The following ALDH1L2 variants were observed in gnomAD, a reference collection of about 807,000 sequenced individuals.
The protein encoded by ALDH1L2 is aldehyde dehydrogenase 1 family member L2.
Under a neutral mutation model 111.0 loss-of-function variants are expected in ALDH1L2, and 91 were observed. That is an observed-to-expected ratio of 0.82 (90% CI 0.69 to 0.98). The LOEUF (loss-of-function observed/expected upper bound fraction) is 0.98, where lower values mean the gene tolerates loss of function less well. Among genes scored for constraint, ALDH1L2 ranks in the 50% least tolerant of loss-of-function variants. The pLI, the probability that ALDH1L2 is intolerant of heterozygous loss-of-function variation, is 0.00. For missense variants in ALDH1L2, 995 were observed against 1,126.8 expected (o/e 0.88, Z 1.67); for synonymous variants, 374 against 392.6 (o/e 0.95, Z 0.56).
At chr12:105,060,324 C>T (rs370858696) in intron 9 of ALDH1L2, 1 of 152,250 alleles carries the variant, frequency 6.6e-6, no homozygotes, top group Non-Finnish European at 1.5e-5. Flanking sequence ...TTAGCATTCT[C>T]ACCCAGAGCT....
chr12:105,077,965 G>A (rs1328638730), intron 1 of ALDH1L2, among the ~76,000 whole-genome samples: 2 of 152,172 alleles, frequency 1.3e-5, no homozygotes, highest in South Asian at 2.1e-4. Flanking sequence ...ACCCTGAGGT[G>A]CCTAACACTT....
intron 13 of ALDH1L2, 34 bp from the exon 14 acceptor site, chr12:105,047,003 T>C (rs1209225649): frequency 6.3e-7 from 1 of 1,593,030 alleles, no homozygotes. Flanking sequence ...CTTATTTTAC[T>C]AATTTAAATA....
At chr12:105,055,339 A>C (rs1219464410) in intron 10 of ALDH1L2, among the ~76,000 whole-genome samples, 1 of 152,234 alleles carries the variant, frequency 6.6e-6, no homozygotes, top group Non-Finnish European at 1.5e-5. Flanking sequence ...AGACTTCAGT[A>C]GTGGCAAACA....
chr12:105,059,265 CAAAATAATAATAATAATAATAATAATA>C (rs1876835593), intron 9 of ALDH1L2, among the ~76,000 whole-genome samples: 1 of 114,676 alleles, frequency 8.7e-6, no homozygotes, highest in African/African-American at 3.3e-5. Flanking sequence ...GACTCTGTCT[CAAAATAATAATAATAATAATAATAATA>C]ATAATAATAA....
At chr12:105,036,001 T>G (rs1293820727) in intron 18 of ALDH1L2, among the ~76,000 whole-genome samples, 1 of 69,330 alleles carries the variant, frequency 1.4e-5, no homozygotes, top group Non-Finnish European at 2.9e-5. Flanking sequence ...TACGTATATT[T>G]ATATATGTGT....
In ALDH1L2 at chr12:105,023,107, G is replaced by A. The variant is rs189423276; in HGVS notation, c.*1317C>T. 17 of 152,230 alleles carry A rather than the reference G, an allele frequency of 1.1e-4. No individual in the cohort carries two copies. Among genetic ancestry groups the A allele is most frequent in the Admixed American group, 6.5e-4 (10 of 15,270 alleles). 9.4% of individuals were successfully genotyped at this position (152,230 alleles called of 1,614,324 possible). A position where few individuals can be genotyped will look rare whatever the true frequency, so the allele number is the denominator to read the frequency against. ...ATTTCTTCAATGCTATGGTCCAAACGCCTTGTTAAGTGCATTATGTATATT... is the reference window on the plus strand; with the variant it reads ...ATTTCTTCAATGCTATGGTCCAAACACCTTGTTAAGTGCATTATGTATATT... On this transcript the variant is annotated 3_prime_UTR_variant, in exon 23 of 23. Coordinates refer to ENST00000258494, the MANE Select transcript of ALDH1L2 (RefSeq NM_001034173.4).
At chr12:105,053,011 C>A in intron 10 of ALDH1L2, 80 bp from the exon 11 acceptor site, 2 of 1,505,802 alleles carry the variant, frequency 1.3e-6, no homozygotes, top group South Asian at 2.3e-5. Flanking sequence ...GAAGCATATT[C>A]ACGAATGCAG....
chr12:105,041,618 A>G (rs183089616), intron 15 of ALDH1L2, among the ~76,000 whole-genome samples: 9 of 152,244 alleles, frequency 5.9e-5, no homozygotes, highest in African/African-American at 2.2e-4. Flanking sequence ...TAATAATCCT[A>G]AAGTATCATG....
At chr12:105,065,873 T>C (rs1877323711) in intron 5 of ALDH1L2, among the ~76,000 whole-genome samples, 1 of 152,192 alleles carries the variant, frequency 6.6e-6, no homozygotes, top group South Asian at 2.1e-4. Flanking sequence ...TTGTTTACTA[T>C]TGTCACTGCA....
At chr12:105,041,275 A>G (rs1376865399) in intron 15 of ALDH1L2, among the ~76,000 whole-genome samples, 1 of 152,158 alleles carries the variant, frequency 6.6e-6, no homozygotes, top group Non-Finnish European at 1.5e-5. Context: ...ATTTCATTAC[A>G]CTGACATTTT....
At chr12:105,064,091 C>T (rs1399549706) in intron 6 of ALDH1L2, among the ~76,000 whole-genome samples, 1 of 123,366 alleles carries the variant, frequency 8.1e-6, no homozygotes, top group Non-Finnish European at 1.6e-5. Context: ...GCTGGGATTA[C>T]AGGCACATGC....
chr12:105,070,115 A>G (rs1877591183), intron 3 of ALDH1L2, among the ~76,000 whole-genome samples: 1 of 152,232 alleles, frequency 6.6e-6, no homozygotes, highest in South Asian at 2.1e-4. Context: ...AGCCCGTATT[A>G]ATAGCTCAAA....
chr12:105,051,312 A>T (rs1170030391), intron 12 of ALDH1L2, among the ~76,000 whole-genome samples: 1 of 152,076 alleles, frequency 6.6e-6, no homozygotes, highest in African/African-American at 2.4e-5. Flanking sequence ...CACCCGCAGA[A>T]TATTGGTGAA....
chr12:105,053,069 A>G (rs1592786521), intron 10 of ALDH1L2, 138 bp from the exon 11 acceptor site: 3 of 1,072,100 alleles, frequency 2.8e-6, no homozygotes, highest in Non-Finnish European at 1.3e-6. Context: ...GAAGACATGC[A>G]TATGTGAGAT....
At chr12:105,036,456 T>G (rs1565952054) in intron 18 of ALDH1L2, among the ~76,000 whole-genome samples, 1 of 113,792 alleles carries the variant, frequency 8.8e-6, no homozygotes, top group Non-Finnish European at 1.8e-5. Flanking sequence ...TCCATATATA[T>G]GTGTGTGTGT....
intron 15 of ALDH1L2, among the ~76,000 whole-genome samples, chr12:105,043,057 T>C (rs1483212374): frequency 2.6e-5 from 4 of 152,184 alleles, no homozygotes; most frequent in Non-Finnish European, 4.4e-5. Context: ...GAACCATAAC[T>C]AACATTTATT....
chr12:105,080,074 T>G (rs1301667737), intron 1 of ALDH1L2, among the ~76,000 whole-genome samples: 1 of 152,236 alleles, frequency 6.6e-6, no homozygotes, highest in African/African-American at 2.4e-5. Context: ...AATATGTCAT[T>G]ATTACAAATA....
intron 6 of ALDH1L2, among the ~76,000 whole-genome samples, chr12:105,064,886 T>G (rs1397785144): frequency 6.6e-6 from 1 of 152,048 alleles, no homozygotes; most frequent in Non-Finnish European, 1.5e-5. Context: ...GGTGCTGGAG[T>G]CTCTTATCTC....
At chr12:105,061,818 G>A (rs1877020226) in intron 7 of ALDH1L2, 66 bp from the exon 8 acceptor site, 4 of 1,591,968 alleles carry the variant, frequency 2.5e-6, no homozygotes, top group Non-Finnish European at 2.6e-6. Flanking sequence ...TGAGGCTGGT[G>A]GGAGGAGTCC....
Sources: gnomAD v4.1 joint callset for allele counts (sites outside exome capture counted in the v4.1 genomes callset) on GRCh38, gnomAD v4.1.1 for gene constraint, MANE v1.5 for transcripts, NCBI Gene and HGNC (gene_info 2026-07-23, HGNC 2026-07-21) for gene names.